The following C1orf146 variants were observed in gnomAD, a reference collection of about 807,000 sequenced individuals.
C1orf146 encodes protein SPO16 homolog.
In C1orf146, 22 loss-of-function variants were observed where a neutral mutation model predicts 23.0. That is an observed-to-expected ratio of 0.96 (90% CI 0.68 to 1.36). The LOEUF is 1.36. Among genes scored for constraint, C1orf146 ranks in the 40% most tolerant of loss-of-function variants. The pLI is 0.00. For missense variants in C1orf146, 199 were observed against 206.8 expected, an observed-to-expected ratio of 0.96 and a Z score of 0.23; for synonymous variants, 59 against 65.3, an observed-to-expected ratio of 0.90 and a Z score of 0.47.
chr1:92,242,567 A>G (rs555193364), intron 3 of C1orf146, among the ~76,000 whole-genome samples: 2 of 152,372 alleles, frequency 1.3e-5, no homozygotes, highest in Admixed American at 1.3e-4. Flanking sequence ...ATGAAAATAG[A>G]AAAAGCCACT....
In C1orf146 at chr1:92,239,476, T is replaced by C. The variant is rs118064404; in HGVS notation, c.67-2736T>C. ...ACTCAAGTTTGAATTTCCAGCTAGG[T>C]GCAGTGGCTCATGCCTATAATCCCA... is the stretch of plus-strand genomic sequence containing the variant. On this transcript the variant is annotated intron_variant, in intron 2 of 5. Coordinates refer to ENST00000370375, the MANE Select transcript of C1orf146 (RefSeq NM_001012425.2). Among the ~76,000 whole-genome samples, 216 of 152,162 alleles carry C rather than the reference T, an allele frequency of 1.4e-3. 5 individuals are homozygous for C. The East Asian group carries it at 0.035, about 25-fold the overall frequency.
intron 1 of C1orf146, among the ~76,000 whole-genome samples, chr1:92,222,803 G>A (rs1014290451): frequency 1.3e-5 from 2 of 151,794 alleles, no homozygotes; most frequent in Non-Finnish European, 2.9e-5. Flanking sequence ...AGCCAGGATG[G>A]TCTTAATCTC....
At chr1:92,227,957 C>G (rs1652009998) in intron 1 of C1orf146, among the ~76,000 whole-genome samples, 3 of 152,038 alleles carry the variant, frequency 2.0e-5, no homozygotes, top group Admixed American at 2.0e-4. Flanking sequence ...GACTTGGCCA[C>G]TCTATTTTTA....
intron 4 of C1orf146, 88 bp from the exon 5 acceptor site, chr1:92,244,691 C>T: frequency 2.3e-6 from 2 of 854,868 alleles, no homozygotes; most frequent in Non-Finnish European, 3.8e-6. Context: ...AAATAACAAA[C>T]AATAGAGATT....
At chr1:92,222,736 G>T (rs1437769751) in intron 1 of C1orf146, among the ~76,000 whole-genome samples, 1 of 151,376 alleles carries the variant, frequency 6.6e-6, no homozygotes, top group Admixed American at 6.6e-5. Flanking sequence ...ACAGGCGCCT[G>T]CCACCACGCC....
chr1:92,244,208 C>T lies in C1orf146; in HGVS notation c.161-9C>T, dbSNP rs1652507630. The T allele has an allele frequency of 6.4e-7, 1 of 1,560,840 alleles. No homozygotes were observed. Among genetic ancestry groups the T allele is most frequent in the Non-Finnish European group, 8.7e-7 (1 of 1,148,280 alleles). ...AAGTGACATTTTATATTCAATTCAC[C>T]TTTCCTAGGAGTTGCATTTTTATTA... On this transcript the variant is annotated splice_polypyrimidine_tract_variant and intron_variant, in intron 3 of 5. Transcript: ENST00000370375.
At chr1:92,224,356 G>T (rs1024612788) in intron 1 of C1orf146, among the ~76,000 whole-genome samples, 1 of 152,004 alleles carries the variant, frequency 6.6e-6, no homozygotes, top group Non-Finnish European at 1.5e-5. Flanking sequence ...CCAGAGAGAA[G>T]TTTTTAACTT....
intron 2 of C1orf146, among the ~76,000 whole-genome samples, chr1:92,233,264 T>C (rs531366473): frequency 3.3e-5 from 5 of 152,180 alleles, no homozygotes; most frequent in Admixed American, 1.3e-4. Flanking sequence ...AAGTCTTTAA[T>C]CCATCTTGAA....
At chr1:92,220,272 C>T (rs1269157627) in intron 1 of C1orf146, among the ~76,000 whole-genome samples, 4 of 152,054 alleles carry the variant, frequency 2.6e-5, no homozygotes, top group Non-Finnish European at 5.9e-5. Flanking sequence ...GCTAGGGTGT[C>T]GTTTGTTTTA....
At chr1:92,245,238 CAA>C (rs1652567276) in intron 5 of C1orf146, among the ~76,000 whole-genome samples, 1 of 152,176 alleles carries the variant, frequency 6.6e-6, no homozygotes, top group African/African-American at 2.4e-5. Context: ...TTGTCCTCTG[CAA>C]AGTGTGCCCA....
chr1:92,233,888 T>C (rs1416647912), intron 2 of C1orf146, among the ~76,000 whole-genome samples: 6 of 152,254 alleles, frequency 3.9e-5, no homozygotes, highest in South Asian at 4.2e-4. Flanking sequence ...AATGGGAGTT[T>C]GCTCATGATT....
intron 3 of C1orf146, among the ~76,000 whole-genome samples, chr1:92,243,587 C>G (rs1231286294): frequency 6.6e-6 from 1 of 152,126 alleles, no homozygotes; most frequent in Non-Finnish European, 1.5e-5. Context: ...CTTTGTGATC[C>G]GCCCACCTCG....
chr1:92,230,982 A>G (rs566885510), intron 1 of C1orf146, among the ~76,000 whole-genome samples: 119 of 152,158 alleles, frequency 7.8e-4, no homozygotes, highest in Non-Finnish European at 1.0e-3. Context: ...GAACTAGTGT[A>G]AGAAAATAAT....
At chr1:92,240,442 G>A (rs1462582928) in intron 2 of C1orf146, among the ~76,000 whole-genome samples, 1 of 152,152 alleles carries the variant, frequency 6.6e-6, no homozygotes, top group East Asian at 1.9e-4. Context: ...GCCATTGCTG[G>A]AAGCATTATA....
chr1:92,231,276 T>A (rs1652113392), intron 1 of C1orf146, 106 bp from the exon 2 acceptor site: 3 of 562,796 alleles, frequency 5.3e-6, no homozygotes, highest in Non-Finnish European at 9.3e-6. Flanking sequence ...ATTTTGATGT[T>A]CAAATATTCT....
At chr1:92,229,019 G>A (rs1652037904) in intron 1 of C1orf146, 4 of 475,044 alleles carry the variant, frequency 8.4e-6, no homozygotes, top group Non-Finnish European at 8.3e-6. Flanking sequence ...CTATTTAGAA[G>A]CATTTGTGGT....
intron 2 of C1orf146, among the ~76,000 whole-genome samples, chr1:92,234,338 CAA>C (rs1553130614): frequency 6.6e-6 from 1 of 152,166 alleles, no homozygotes. Context: ...TGAATTTTGT[CAA>C]AGACCTTTTC....
chr1:92,236,147 CATT>C (rs1452659562), intron 2 of C1orf146, among the ~76,000 whole-genome samples: 1 of 151,670 alleles, frequency 6.6e-6, no homozygotes, highest in African/African-American at 2.4e-5. Flanking sequence ...TTGATCCTGT[CATT>C]ATGATGTTAG....
At chr1:92,231,350 C>A (rs1557487704) in intron 1 of C1orf146, 32 bp from the exon 2 acceptor site, 5 of 1,012,268 alleles carry the variant, frequency 4.9e-6, no homozygotes, top group Non-Finnish European at 7.5e-6. Flanking sequence ...TCAGATATTT[C>A]TTTGCATTCT....
Sources: allele counts gnomAD v4.1 joint callset (sites outside exome capture counted in the v4.1 genomes callset), GRCh38; gene constraint gnomAD v4.1.1; transcripts MANE v1.5; gene names NCBI Gene and HGNC (gene_info 2026-07-23, HGNC 2026-07-21).